The following KIF3A variants were observed in gnomAD, a reference collection of about 807,000 sequenced individuals.
KIF3A encodes kinesin family member 3A, also known as kinesin-like protein KIF3A.
A neutral mutation model predicts 92.6 loss-of-function variants in KIF3A; 27 were observed. The ratio of observed to expected loss-of-function variants is 0.29; its 90% CI spans 0.21 to 0.40. The LOEUF is 0.40. Among genes scored for constraint, KIF3A ranks in the 10% least tolerant of loss-of-function variants. The pLI, the probability that KIF3A is intolerant of heterozygous loss-of-function variation, is 1.00. For missense variants in KIF3A, 581 were observed against 872.6 expected, an observed-to-expected ratio of 0.67 and a Z score of 4.21; for synonymous variants, 250 against 275.4, an observed-to-expected ratio of 0.91 and a Z score of 0.92.
At chr5:132,690,511 TGA>T (rs1421535704), downstream of KIF3A, among the ~76,000 whole-genome samples, 2 of 152,208 alleles carry the variant, frequency 1.3e-5, no homozygotes, top group Non-Finnish European at 2.9e-5. Flanking sequence ...AAGAAAATAC[TGA>T]GTGTTCACAA....
chr5:132,710,135 C>T (rs1753365336), intron 9 of KIF3A, among the ~76,000 whole-genome samples: 1 of 152,132 alleles, frequency 6.6e-6, no homozygotes, highest in Non-Finnish European at 1.5e-5. Context: ...TCATAATAAA[C>T]AGTCTTAATT....
chr5:132,699,476 GAGTA>G (rs1752953113), intron 17 of KIF3A, 181 bp from the exon 18 acceptor site: 1 of 660,776 alleles, frequency 1.5e-6, no homozygotes, highest in Admixed American at 2.3e-5. Context: ...AAAGGTTGGT[GAGTA>G]AGAAGCCCTG....
At chr5:132,705,984 T>A (rs931756984) in intron 11 of KIF3A, among the ~76,000 whole-genome samples, 4 of 152,086 alleles carry the variant, frequency 2.6e-5, no homozygotes, top group African/African-American at 9.7e-5. Context: ...TAAAAGTTAA[T>A]GCCATAAACA....
At chr5:132,736,794 A>C in intron 1 of KIF3A, 2 of 465,022 alleles carry the variant, frequency 4.3e-6, no homozygotes, top group Non-Finnish European at 8.9e-6. Flanking sequence ...ATTTTCCTCC[A>C]TGACCCCTAA....
chr5:132,705,478 C>A (rs946173749), intron 11 of KIF3A, among the ~76,000 whole-genome samples: 6 of 151,620 alleles, frequency 4.0e-5, no homozygotes, highest in Non-Finnish European at 8.9e-5. Flanking sequence ...GTTTCAAAAC[C>A]CATTAAGAAG....
At chr5:132,691,076 A>G (rs1401536170), downstream of KIF3A, among the ~76,000 whole-genome samples, 4 of 152,218 alleles carry the variant, frequency 2.6e-5, no homozygotes, top group Non-Finnish European at 5.9e-5. Flanking sequence ...CAATAACCCA[A>G]GTAATGTTAT....
chr5:132,730,839 C>T (rs1278105161), intron 2 of KIF3A, among the ~76,000 whole-genome samples: 3 of 151,952 alleles, frequency 2.0e-5, no homozygotes, highest in Non-Finnish European at 4.4e-5. Flanking sequence ...GGCGTGGTAG[C>T]ACACACCTGT....
At chr5:132,714,353 G>A (rs1175891350) in intron 8 of KIF3A, among the ~76,000 whole-genome samples, 1 of 152,172 alleles carries the variant, frequency 6.6e-6, no homozygotes, top group African/African-American at 2.4e-5. Flanking sequence ...ACGGATAACT[G>A]CAGAACAATG....
At chr5:132,709,928 T>G (rs148077003) in intron 9 of KIF3A, among the ~76,000 whole-genome samples, 152 of 152,330 alleles carry the variant, frequency 1.0e-3, no homozygotes, top group African/African-American at 3.4e-3. Context: ...GTTTTTAAAT[T>G]TGGGACTCCT....
chr5:132,717,708 CA>C (rs1315781592), intron 5 of KIF3A, among the ~76,000 whole-genome samples: 2 of 150,496 alleles, frequency 1.3e-5, no homozygotes, highest in African/African-American at 2.4e-5. Flanking sequence ...ATTGTGTAAA[CA>C]AAAAACATTT....
In KIF3A at chr5:132,700,684, T is replaced by C. The variant is rs376748723; in HGVS notation, c.1901A>G (p.Tyr634Cys). ...TCCTATGTCTTCATTCCAATGGACA[T>C]AGTTTTCAATCATTTCCTTTTAAAA... ...PRDYQEMIEN[Y>C]VHWNEDIGEW... The change falls in exon 16 of 19, where the codon TAT (tyrosine) becomes TGT (cysteine). Residue 634 changes from tyrosine to cysteine, a missense_variant. Coordinates refer to ENST00000403231, the MANE Select transcript of KIF3A (RefSeq NM_001300791.2). 6 of 1,592,318 alleles carry C rather than the reference T, an allele frequency of 3.8e-6. No homozygotes were observed. The highest frequency in any genetic ancestry group is 5.2e-6 in the Non-Finnish European group (6 of 1,160,486).
intron 10 of KIF3A, among the ~76,000 whole-genome samples, chr5:132,708,403 A>G (rs547538864): frequency 4.5e-4 from 68 of 152,054 alleles, no homozygotes; most frequent in African/African-American, 1.3e-3. Context: ...TTCAAGCTTT[A>G]TGTTTTTCTT....
intron 11 of KIF3A, among the ~76,000 whole-genome samples, chr5:132,705,793 T>A (rs1004093802): frequency 6.6e-6 from 1 of 152,094 alleles, no homozygotes; most frequent in African/African-American, 2.4e-5. Context: ...AATGTGAATA[T>A]GTGCTAACTC....
chr5:132,710,035 G>C (rs1418831165), intron 9 of KIF3A, among the ~76,000 whole-genome samples: 1 of 152,152 alleles, frequency 6.6e-6, no homozygotes, highest in African/African-American at 2.4e-5. Context: ...TAATGGAAGA[G>C]AGTTCTGAAA....
At chr5:132,721,915 A>C (rs1267146471) in intron 4 of KIF3A, among the ~76,000 whole-genome samples, 1 of 152,154 alleles carries the variant, frequency 6.6e-6, no homozygotes, top group Non-Finnish European at 1.5e-5. Context: ...TGGTTTGATG[A>C]AAGTGTTGAA....
chr5:132,710,821 C>G (rs1032851847), intron 9 of KIF3A, 138 bp downstream of exon 9: 2 of 1,141,710 alleles, frequency 1.8e-6, no homozygotes, highest in Non-Finnish European at 2.5e-6. Flanking sequence ...GCAAAGTTAA[C>G]CAGGTAAATG....
chr5:132,709,864 A>AT (rs1233059894), intron 9 of KIF3A, among the ~76,000 whole-genome samples: 1 of 152,194 alleles, frequency 6.6e-6, no homozygotes, highest in East Asian at 1.9e-4. Context: ...CATTTTGCCA[A>AT]TTTTTGCCAT....
At chr5:132,708,587 T>G (rs770797148) in intron 10 of KIF3A, among the ~76,000 whole-genome samples, 2 of 152,216 alleles carry the variant, frequency 1.3e-5, no homozygotes, top group Non-Finnish European at 2.9e-5. Context: ...GGATTAGAAA[T>G]GTGTCATGAA....
chr5:132,732,319 A>G (rs866824323), intron 2 of KIF3A, among the ~76,000 whole-genome samples: 18 of 152,356 alleles, frequency 1.2e-4, no homozygotes, highest in Middle Eastern at 3.4e-3. Context: ...TTAGGTATAT[A>G]CCCAAGAGAA....
Sources: gnomAD v4.1 joint callset for allele counts (sites outside exome capture counted in the v4.1 genomes callset) on GRCh38, gnomAD v4.1.1 for gene constraint, MANE v1.5 for transcripts, NCBI Gene and HGNC (gene_info 2026-07-23, HGNC 2026-07-21) for gene names.